PFKFB2: variants seen among roughly 807,000 people sequenced by gnomAD.
PFKFB2 encodes 6-phosphofructo-2-kinase/fructose-2,6-bisphosphatase 2.
A neutral mutation model predicts 68.0 loss-of-function variants in PFKFB2; 53 were observed. The ratio of observed to expected loss-of-function variants is 0.78; its 90% CI spans 0.63 to 0.98. The LOEUF (loss-of-function observed/expected upper bound fraction) is 0.98, where lower values mean the gene tolerates loss of function less well. PFKFB2 is among the 50% of genes least tolerant of loss of function. The probability of loss-of-function intolerance (pLI) is 0.00; values close to 1 mark genes in which losing one functional copy is unlikely to be tolerated. For missense variants in PFKFB2, 451 were observed against 642.0 expected, an observed-to-expected ratio of 0.70 and a Z score of 3.22; for synonymous variants, 222 against 227.6, an observed-to-expected ratio of 0.98 and a Z score of 0.22.
intron 2 of PFKFB2, chr1:207,046,240 G>T (rs1015315294): frequency 6.6e-6 from 1 of 151,960 alleles, no homozygotes; most frequent in African/African-American, 2.4e-5. Flanking sequence ...GAATAGGAAA[G>T]ATTTCATTCT....
intron 9 of PFKFB2, among the ~76,000 whole-genome samples, chr1:207,067,960 G>A (rs1356818673): frequency 1.3e-5 from 2 of 152,172 alleles, no homozygotes; most frequent in African/African-American, 4.8e-5. Context: ...ACTTAGCAAT[G>A]TACAGGGTGC....
chr1:207,064,893 G>A (rs879257100), intron 7 of PFKFB2, 143 bp from the exon 8 acceptor site: 5 of 914,208 alleles, frequency 5.5e-6, no homozygotes, highest in Non-Finnish European at 8.0e-6. Flanking sequence ...GGGGCGGGGG[G>A]TACTCAATGA....
At chr1:207,053,745 G>T (rs1277615189) in intron 1 of PFKFB2, among the ~76,000 whole-genome samples, 1 of 152,060 alleles carries the variant, frequency 6.6e-6, no homozygotes, top group African/African-American at 2.4e-5. Flanking sequence ...GGTAACTAGG[G>T]AGAGGGTGCG....
At chr1:207,052,564 G>T (rs923193226), upstream of PFKFB2, among the ~76,000 whole-genome samples, 1 of 152,104 alleles carries the variant, frequency 6.6e-6, no homozygotes, top group Non-Finnish European at 1.5e-5. Context: ...GGAGGCAGGA[G>T]AATCGCTTGA....
upstream of PFKFB2, chr1:207,049,024 A>C (rs762445569): frequency 1.9e-6 from 3 of 1,612,860 alleles, no homozygotes; most frequent in Non-Finnish European, 1.7e-6. Context: ...CATAGGTCAC[A>C]CTTCTCCAAA....
In PFKFB2 at chr1:207,063,317, G is replaced by A; in HGVS notation, c.376-30G>A. Reference sequence around the variant, plus strand: ...GGTGGGGTTCTGTTTCTCTGTTCCTGCTCATTTACCTTGTGTACTTTCTTC... The same window carrying A: ...GGTGGGGTTCTGTTTCTCTGTTCCTACTCATTTACCTTGTGTACTTTCTTC... On this transcript the variant is annotated intron_variant, in intron 5 of 14. Coordinates refer to ENST00000367080, the MANE Select transcript of PFKFB2 (RefSeq NM_006212.2). The surrounding 1 kb of genome is among the most constrained non-coding windows in gnomAD (Gnocchi z 4.1). 6.3e-7 allele frequency: 1 copy of A among 1,596,818 alleles called. No individual in the cohort carries two copies. The highest frequency in any genetic ancestry group is 8.6e-7 in the Non-Finnish European group (1 of 1,164,358).
chr1:207,080,507 T>C (rs1402856669), downstream of PFKFB2: 1 of 152,238 alleles, frequency 6.6e-6, no homozygotes, highest in Non-Finnish European at 1.5e-5. Flanking sequence ...ATGATTTTCA[T>C]CTGGCTGCCT....
At chr1:207,059,545 C>A (rs1235703783) in intron 2 of PFKFB2, among the ~76,000 whole-genome samples, 3 of 152,106 alleles carry the variant, frequency 2.0e-5, no homozygotes, top group African/African-American at 7.2e-5. Context: ...CTTTAAGCTC[C>A]CTATTTGAAC....
At position 207,074,058 on chromosome 1, in the gene PFKFB2, G is replaced by T; in HGVS notation, c.*1687G>T. ...GGATTGTTGAATCATAAACATGCCTGTGTCCACCTTATGCTTAATACTGAC... is the reference window on the plus strand; with the variant it reads ...GGATTGTTGAATCATAAACATGCCTTTGTCCACCTTATGCTTAATACTGAC... On this transcript the variant is annotated 3_prime_UTR_variant, in exon 15 of 15. Transcript: ENST00000367080. The T allele has an allele frequency of 1.1e-6, 1 of 902,698 alleles. No homozygotes were observed. Among genetic ancestry groups the T allele is most frequent in the Non-Finnish European group, 1.3e-6 (1 of 754,514 alleles). The allele number at this position is 902,698 out of a possible 1,614,324, so 55.9% of individuals were successfully genotyped here. A position where few individuals can be genotyped will look rare whatever the true frequency, so the allele number is the denominator to read the frequency against.
intron 1 of PFKFB2, chr1:207,034,570 G>C (rs573375321): frequency 1.8e-4 from 28 of 152,332 alleles, no homozygotes; most frequent in South Asian, 1.2e-3. Context: ...AACAGACACA[G>C]TTTTTCAGTT....
chr1:207,050,958 G>A (rs983619989), upstream of PFKFB2: 3 of 1,559,418 alleles, frequency 1.9e-6, no homozygotes, highest in Non-Finnish European at 2.6e-6. Flanking sequence ...CCGGCAGCCT[G>A]TTGGGAGACG....
At chr1:207,064,168 C>T (rs78949186) in intron 7 of PFKFB2, among the ~76,000 whole-genome samples, 1,706 of 152,118 alleles carry the variant, frequency 0.011, 28 homozygotes, top group African/African-American at 0.037. Flanking sequence ...ATAGATCAGC[C>T]GGGCACGGTG....
chr1:207,052,244 A>C (rs1175666656), upstream of PFKFB2: 1 of 1,611,402 alleles, frequency 6.2e-7, no homozygotes, highest in Admixed American at 1.7e-5. Context: ...ATCTTTTCAC[A>C]TCTTTCATGA....
chr1:207,071,692 C>T lies in PFKFB2; in HGVS notation c.1350+119C>T, dbSNP rs982968031. Reference sequence around the variant, plus strand: ...AAAAGGGAAACAGATTCAGAACTTACGTCCAAATGTAGTTTGCTACGTCTG... The same window carrying T: ...AAAAGGGAAACAGATTCAGAACTTATGTCCAAATGTAGTTTGCTACGTCTG... On this transcript the variant is annotated intron_variant, in intron 14 of 14. Coordinates refer to ENST00000367080, the MANE Select transcript of PFKFB2 (RefSeq NM_006212.2). 6.3e-5 allele frequency: 46 copies of T among 729,702 alleles called. No homozygotes were observed. The South Asian group carries it at 7.4e-4, about 12-fold the overall frequency. The allele number at this position is 729,702 out of a possible 1,614,324, so 45.2% of individuals were successfully genotyped here.
Position 207,076,439 on chromosome 1 carries a change from T to C in PFKFB2, c.*4068T>C, listed in dbSNP as rs1358176889. 1 of 985,178 alleles carries C rather than the reference T, an allele frequency of 1.0e-6. No homozygotes were observed. Among genetic ancestry groups the C allele is most frequent in the African/African-American group, 1.7e-5 (1 of 57,204 alleles). 61.0% of individuals were successfully genotyped at this position (985,178 alleles called of 1,614,324 possible). A position where few individuals can be genotyped will look rare whatever the true frequency, so the allele number is the denominator to read the frequency against. ...CATGTTGTGTTCATTGTTAAGAAAT[T>C]TGATAGATTTACCCAGCTTTTCTAT... On this transcript the variant is annotated 3_prime_UTR_variant, in exon 15 of 15. Coordinates refer to ENST00000367080, the MANE Select transcript of PFKFB2 (RefSeq NM_006212.2).
At position 207,076,114 on chromosome 1, in the gene PFKFB2, T is replaced by C; in HGVS notation, c.*3743T>C. On this transcript the variant is annotated 3_prime_UTR_variant, in exon 15 of 15. Coordinates refer to ENST00000367080, the MANE Select transcript of PFKFB2 (RefSeq NM_006212.2). ...ACACAATATATTTGTACCCCTAGAC[T>C]GAATGGGTGAGTATTCCATATGAGG... is the stretch of plus-strand genomic sequence containing the variant. 1.0e-6 allele frequency: 1 copy of C among 985,420 alleles called. No homozygotes were observed. Among genetic ancestry groups the C allele is most frequent in the Non-Finnish European group, 1.2e-6 (1 of 829,912 alleles). 61.0% of individuals were successfully genotyped at this position (985,420 alleles called of 1,614,324 possible). A position where few individuals can be genotyped will look rare whatever the true frequency, so the allele number is the denominator to read the frequency against.
At chr1:207,040,498 T>C (rs896788743) in intron 1 of PFKFB2, among the ~76,000 whole-genome samples, 2 of 151,774 alleles carry the variant, frequency 1.3e-5, no homozygotes, top group Non-Finnish European at 2.9e-5. Context: ...GAGAAGGCTA[T>C]TCATTCTTTG....
chr1:207,051,125 C>T, upstream of PFKFB2: 1 of 1,422,814 alleles, frequency 7.0e-7, no homozygotes, highest in South Asian at 1.5e-5. Context: ...AAAGTGACAA[C>T]TGATTTTTCC....
rs1339587193 is a variant in PFKFB2, at chr1:207,075,574, C to G, written c.*3203C>G. ...ATAAAAATGGACTTAAAAGTACTCT[C>G]TGCTGAGGCTGTAAGTTTTGTTTTG... is the stretch of plus-strand genomic sequence containing the variant. On this transcript the variant is annotated 3_prime_UTR_variant, in exon 15 of 15. Transcript: ENST00000367080. 1 of 985,238 alleles carries G rather than the reference C, an allele frequency of 1.0e-6. No individual in the cohort carries two copies. Among genetic ancestry groups the G allele is most frequent in the Non-Finnish European group, 1.2e-6 (1 of 829,842 alleles). 61.0% of individuals were successfully genotyped at this position (985,238 alleles called of 1,614,324 possible). A position where few individuals can be genotyped will look rare whatever the true frequency, so the allele number is the denominator to read the frequency against.
Sources: allele counts gnomAD v4.1 joint callset (sites outside exome capture counted in the v4.1 genomes callset), GRCh38; gene constraint gnomAD v4.1.1; non-coding constraint Gnocchi (gnomAD v3.1); transcripts MANE v1.5; gene names NCBI Gene and HGNC (gene_info 2026-07-23, HGNC 2026-07-21).